Variants in ETV6 observed in about 807,000 individuals in gnomAD.
ETV6 encodes the protein transcription factor ETV6.
A neutral mutation model predicts 51.1 loss-of-function variants in ETV6; 16 were observed. That is an observed-to-expected ratio of 0.31 (90% CI 0.21 to 0.48). ETV6 has a LOEUF of 0.48. Ranked by LOEUF, ETV6 falls within the 20% of genes least tolerant of loss-of-function variation. The pLI is 0.99. For missense variants in ETV6, 458 were observed against 594.8 expected (o/e 0.77, Z 2.39); for synonymous variants, 240 against 224.1 (o/e 1.07, Z -0.64).
intron 2 of ETV6, among the ~76,000 whole-genome samples, chr12:11,828,148 C>A (rs1458575336): frequency 6.6e-6 from 1 of 152,128 alleles, no homozygotes; most frequent in Non-Finnish European, 1.5e-5. Flanking sequence ...TTCTGCCCTG[C>A]AGTATAGGAA....
intron 5 of ETV6, among the ~76,000 whole-genome samples, chr12:11,878,844 A>G (rs1260494795): frequency 6.7e-6 from 1 of 149,854 alleles, no homozygotes; most frequent in Non-Finnish European, 1.5e-5. Flanking sequence ...AAAAAAAAAC[A>G]AGCAGCAGAT....
chr12:11,695,132 C>T (rs1447084737), intron 1 of ETV6, among the ~76,000 whole-genome samples: 2 of 152,126 alleles, frequency 1.3e-5, no homozygotes, highest in Admixed American at 1.3e-4. Context: ...TGTTATCCTT[C>T]CTTTTAATGA....
intron 5 of ETV6, among the ~76,000 whole-genome samples, chr12:11,877,473 C>T (rs1205411601): frequency 2.0e-5 from 3 of 152,160 alleles, no homozygotes; most frequent in Admixed American, 6.5e-5. Context: ...CACCTTCGCA[C>T]ACATGCATCT....
At chr12:11,874,514 GTACACACATATATGTGTA>G (rs1387304456) in intron 5 of ETV6, among the ~76,000 whole-genome samples, 5 of 9,896 alleles carry the variant, frequency 5.1e-4, no homozygotes, top group African/African-American at 8.7e-4. Flanking sequence ...ATGTGCGTGT[GTACACACATATATGTGTA>G]TGTGCGTGTG....
In ETV6 at chr12:11,650,033, C is replaced by T. The variant is rs1469429159; in HGVS notation, c.-95C>T. ...ATGCTGGAAGAAACTTCTTAAATGA[C>T]CGCGTCTGGCTGGCCGTGGAGCCTT... On this transcript the variant is annotated 5_prime_UTR_variant, in exon 1 of 8. Coordinates refer to ENST00000396373, the MANE Select transcript of ETV6 (RefSeq NM_001987.5). 1.3e-4 allele frequency: 144 copies of T among 1,133,962 alleles called. No individual in the cohort carries two copies. Among genetic ancestry groups the T allele is most frequent in the Admixed American group, 1.9e-4 (11 of 58,616 alleles). The allele number at this position is 1,133,962 out of a possible 1,614,324, so 70.2% of individuals were successfully genotyped here.
chr12:11,685,845 A>T (rs1258046630), intron 1 of ETV6, among the ~76,000 whole-genome samples: 4 of 152,346 alleles, frequency 2.6e-5, no homozygotes, highest in Admixed American at 1.3e-4. Context: ...ATTTGAAAGA[A>T]ACAGTCTTTG....
In ETV6 at chr12:11,750,446, G is replaced by A. The variant is rs565507611; in HGVS notation, c.34-2004G>A. 3.9e-5 allele frequency among the ~76,000 whole-genome samples: 6 copies of A among 152,298 alleles called. No homozygotes were observed. The South Asian group carries it at 1.2e-3, about 32-fold the overall frequency. On this transcript the variant is annotated intron_variant, in intron 1 of 7. Coordinates refer to ENST00000396373, the MANE Select transcript of ETV6 (RefSeq NM_001987.5). ...TCTCATGGACTAGCCAGAGTGTCTT[G>A]TGAGTTTCTCTTTGCTTCAAGGGAA... is the stretch of plus-strand genomic sequence containing the variant.
intron 3 of ETV6, among the ~76,000 whole-genome samples, chr12:11,842,038 C>T (rs1204373606): frequency 4.7e-5 from 7 of 148,482 alleles, no homozygotes; most frequent in South Asian, 2.2e-4. Context: ...GCCGAGATCC[C>T]GCCACTGCAC....
chr12:11,719,805 A>C lies in ETV6; in HGVS notation c.34-32645A>C, dbSNP rs144909623. On this transcript the variant is annotated intron_variant, in intron 1 of 7. Coordinates refer to ENST00000396373, the MANE Select transcript of ETV6 (RefSeq NM_001987.5). Reference sequence around the variant, plus strand: ...AGGCAGGGATGAGGACTGGTAACAGACCCTCTGCCTCCTTCCTTCCTCTTC... The same window carrying C: ...AGGCAGGGATGAGGACTGGTAACAGCCCCTCTGCCTCCTTCCTTCCTCTTC... 9.1e-4 allele frequency among the ~76,000 whole-genome samples: 139 copies of C among 152,212 alleles called. 2 individuals are homozygous for C. In the East Asian group the frequency reaches 0.024, roughly 27 times the overall value.
chr12:11,828,088 G>A lies in ETV6; in HGVS notation c.164-11052G>A, dbSNP rs113060221. On this transcript the variant is annotated intron_variant, in intron 2 of 7. Coordinates refer to ENST00000396373, the MANE Select transcript of ETV6 (RefSeq NM_001987.5). ...TACTTTTTTTTTCTTCTTAAACTCA[G>A]GCTTCTTTGTAAGCATACATATCAG... 6.1e-3 allele frequency among the ~76,000 whole-genome samples: 922 copies of A among 151,910 alleles called. 4 individuals carry two copies. The highest frequency in any genetic ancestry group is 9.0e-3 in the Non-Finnish European group (609 of 67,974).
At chr12:11,733,645 C>T (rs900627340) in intron 1 of ETV6, among the ~76,000 whole-genome samples, 2 of 152,132 alleles carry the variant, frequency 1.3e-5, no homozygotes, top group East Asian at 1.9e-4. Flanking sequence ...CATGCTTCCC[C>T]GGAATATTTA....
chr12:11,651,746 A>T (rs548996912), intron 1 of ETV6, among the ~76,000 whole-genome samples: 2 of 152,260 alleles, frequency 1.3e-5, no homozygotes, highest in East Asian at 1.9e-4. Flanking sequence ...ACTAAATAGT[A>T]GGATATTCAA....
At chr12:11,887,858 T>TTGAC (rs1206004707) in intron 7 of ETV6, among the ~76,000 whole-genome samples, 1 of 152,204 alleles carries the variant, frequency 6.6e-6, no homozygotes, top group East Asian at 1.9e-4. Flanking sequence ...ACAGTTCCCT[T>TTGAC]TGACTCCTCC....
At chr12:11,651,428 T>C (rs1397537166) in intron 1 of ETV6, among the ~76,000 whole-genome samples, 1 of 152,208 alleles carries the variant, frequency 6.6e-6, no homozygotes, top group Non-Finnish European at 1.5e-5. Flanking sequence ...GTGTTTCTTA[T>C]CAGAAAAGAT....
In ETV6 at chr12:11,654,069, C is replaced by T. The variant is rs113744033; in HGVS notation, c.33+3909C>T. The stretch of plus-strand genomic sequence containing the variant: ...CCTCAAGTGATCTGCCCGCCTCAGC[C>T]TCCCAGAGTGCTGAGATTACAGGTG... On this transcript the variant is annotated intron_variant, in intron 1 of 7. Transcript: ENST00000396373. Among the ~76,000 whole-genome samples, 587 of 152,240 alleles carry T rather than the reference C, an allele frequency of 3.9e-3. 1 individual carries two copies. The highest frequency in any genetic ancestry group is 0.014 in the Middle Eastern group (4 of 294).
intron 3 of ETV6, among the ~76,000 whole-genome samples, chr12:11,847,425 T>G (rs1946482159): frequency 6.6e-6 from 1 of 152,066 alleles, no homozygotes; most frequent in Admixed American, 6.5e-5. Context: ...GACGAGCCGA[T>G]TGAAGCCATG....
In ETV6 at chr12:11,893,841, T is replaced by TATATATATAC. The variant is rs1491290450; in HGVS notation, c.*2796_*2797insTATATATACA. ...ATATATATATATATATATATATATATACACACACACACACATACACAAATA... is the reference window on the plus strand; with the variant it reads ...ATATATATATATATATATATATATATATATATATACACACACACACACACATACACAAATA... On this transcript the variant is annotated 3_prime_UTR_variant, in exon 8 of 8. Transcript: ENST00000396373. 7.5e-4 allele frequency: 43 copies of TATATATATAC among 57,264 alleles called. No homozygotes were observed. Among genetic ancestry groups the TATATATATAC allele is most frequent in the African/African-American group, 2.3e-3 (36 of 15,660 alleles). The allele number at this position is 57,264 out of a possible 1,614,324, so 3.5% of individuals were successfully genotyped here.
intron 1 of ETV6, among the ~76,000 whole-genome samples, chr12:11,656,778 C>G (rs1864007328): frequency 6.6e-6 from 1 of 151,788 alleles, no homozygotes; most frequent in Admixed American, 6.6e-5. Flanking sequence ...TAGACACCTT[C>G]TTTGCCTGCT....
At chr12:11,688,716 G>A (rs879427739) in intron 1 of ETV6, among the ~76,000 whole-genome samples, 16 of 152,206 alleles carry the variant, frequency 1.1e-4, no homozygotes, top group Admixed American at 9.8e-4. Context: ...GAGGAGTGTG[G>A]TAGCGTGTGG....
Sources: allele counts gnomAD v4.1 joint callset (sites outside exome capture counted in the v4.1 genomes callset), GRCh38; gene constraint gnomAD v4.1.1; transcripts MANE v1.5; gene names NCBI Gene and HGNC (gene_info 2026-07-23, HGNC 2026-07-21).